Variants in SRXN1 observed in about 807,000 individuals in gnomAD.
SRXN1 encodes sulfiredoxin 1.
Under a neutral mutation model 11.0 loss-of-function variants are expected in SRXN1, and 11 were observed. The observed-to-expected ratio is 1.00, with a 90% CI of 0.63 to 1.65. The LOEUF (loss-of-function observed/expected upper bound fraction) is 1.65, where lower values mean the gene tolerates loss of function less well. Among genes scored for constraint, SRXN1 ranks in the 40% most tolerant of loss-of-function variants. The probability of loss-of-function intolerance (pLI) is 0.00; values close to 1 mark genes in which losing one functional copy is unlikely to be tolerated. For synonymous variants in SRXN1, 106 were observed against 92.8 expected (o/e 1.14, Z -0.82); for missense variants, 211 against 194.5 (o/e 1.08, Z -0.50).
In SRXN1 at chr20:646,688, C is replaced by T. The variant is rs1983542220; in HGVS notation, c.*2026G>A. ...TTACAGAGAAGTTGCAGAGATAGTACAAAGAGTTCCTGTATACCCTTCACC... is the reference window on the plus strand; with the variant it reads ...TTACAGAGAAGTTGCAGAGATAGTATAAAGAGTTCCTGTATACCCTTCACC... On this transcript the variant is annotated 3_prime_UTR_variant, in exon 2 of 2. Coordinates refer to ENST00000381962, the MANE Select transcript of SRXN1 (RefSeq NM_080725.3). 1 of 150,630 alleles carries T rather than the reference C, an allele frequency of 6.6e-6. No individual in the cohort carries two copies. The highest frequency in any genetic ancestry group is 1.5e-5 in the Non-Finnish European group (1 of 67,842). 9.3% of individuals were successfully genotyped at this position (150,630 alleles called of 1,614,324 possible).
Position 647,005 on chromosome 20 carries a change from G to A in SRXN1, c.*1709C>T, listed in dbSNP as rs145367414. Reference sequence around the variant, plus strand: ...GGAGAAACTGAGGCTTAAAAGTGCCGAGTGACCAAGTTCCCTTAGAGGGCA... The same window carrying A: ...GGAGAAACTGAGGCTTAAAAGTGCCAAGTGACCAAGTTCCCTTAGAGGGCA... On this transcript the variant is annotated 3_prime_UTR_variant, in exon 2 of 2. Transcript: ENST00000381962. 4.6e-5 allele frequency: 7 copies of A among 152,304 alleles called. No individual in the cohort carries two copies. The highest frequency in any genetic ancestry group is 2.1e-4 in the South Asian group (1 of 4,822). 9.4% of individuals were successfully genotyped at this position (152,304 alleles called of 1,614,324 possible). A position where few individuals can be genotyped will look rare whatever the true frequency, so the allele number is the denominator to read the frequency against.
Position 647,661 on chromosome 20 carries a change from C to A in SRXN1, c.*1053G>T. ...GGCAAGTGAGTAAGGCTATCCTAGACCATCCAGGCCCAGCTGAGGTAACAG... is the reference window on the plus strand; with the variant it reads ...GGCAAGTGAGTAAGGCTATCCTAGAACATCCAGGCCCAGCTGAGGTAACAG... On this transcript the variant is annotated 3_prime_UTR_variant, in exon 2 of 2. Coordinates refer to ENST00000381962, the MANE Select transcript of SRXN1 (RefSeq NM_080725.3). The A allele has an allele frequency of 3.9e-6, 1 of 256,378 alleles. No individual in the cohort carries two copies. Among genetic ancestry groups the A allele is most frequent in the Non-Finnish European group, 7.7e-6 (1 of 130,044 alleles). 15.9% of individuals were successfully genotyped at this position (256,378 alleles called of 1,614,324 possible). A position where few individuals can be genotyped will look rare whatever the true frequency, so the allele number is the denominator to read the frequency against.
In SRXN1 at chr20:647,724, G is replaced by C. The variant is rs773112411; in HGVS notation, c.*990C>G. ...CCATGAGGGATCCCAGGTGTGAGCA[G>C]CAGAACTGCCCTGTTGAGCCCAGCC... On this transcript the variant is annotated 3_prime_UTR_variant, in exon 2 of 2. Transcript: ENST00000381962. The C allele has an allele frequency of 6.3e-6, 2 of 318,124 alleles. No individual in the cohort carries two copies. Among genetic ancestry groups the C allele is most frequent in the Non-Finnish European group, 1.2e-5 (2 of 163,720 alleles). The allele number at this position is 318,124 out of a possible 1,614,324, so 19.7% of individuals were successfully genotyped here. A position where few individuals can be genotyped will look rare whatever the true frequency, so the allele number is the denominator to read the frequency against.
chr20:648,936 G>A lies in SRXN1; in HGVS notation c.211-19C>T. ...GGTCCTCCTGGGGAGAAGAGGCACA[G>A]AGTCAATGGACATGGTACAAGGCTT... is the stretch of plus-strand genomic sequence containing the variant. On this transcript the variant is annotated intron_variant, in intron 1 of 1. Coordinates refer to ENST00000381962, the MANE Select transcript of SRXN1 (RefSeq NM_080725.3). 6.2e-7 allele frequency: 1 copy of A among 1,613,338 alleles called. No individual in the cohort carries two copies. The highest frequency in any genetic ancestry group is 8.5e-7 in the Non-Finnish European group (1 of 1,179,624).
intron 1 of SRXN1, among the ~76,000 whole-genome samples, chr20:651,423 G>A (rs1026082576): frequency 3.3e-5 from 5 of 152,156 alleles, no homozygotes; most frequent in African/African-American, 1.2e-4. Flanking sequence ...AAGCCAGTGG[G>A]CTGTAATCCC....
chr20:649,164 A>C (rs1258077473), intron 1 of SRXN1, among the ~76,000 whole-genome samples: 2 of 152,200 alleles, frequency 1.3e-5, no homozygotes, highest in African/African-American at 2.4e-5. Flanking sequence ...TCTCCCACAC[A>C]TGTATCAGCA....
chr20:650,188 G>A (rs1158403808), intron 1 of SRXN1, among the ~76,000 whole-genome samples: 2 of 152,194 alleles, frequency 1.3e-5, no homozygotes, highest in Non-Finnish European at 2.9e-5. Flanking sequence ...ATGATCTGAT[G>A]CATGTTCTAG....
chr20:650,700 C>A (rs1212911256), intron 1 of SRXN1, among the ~76,000 whole-genome samples: 1 of 152,218 alleles, frequency 6.6e-6, no homozygotes, highest in Non-Finnish European at 1.5e-5. Context: ...GGGCACACAG[C>A]CCTCTGAACA....
rs1983557985 is a variant in SRXN1 at position 647,323 on chromosome 20, C to T, written c.*1391G>A. The T allele has an allele frequency of 6.6e-6, 1 of 152,194 alleles. No homozygotes were observed. The highest frequency in any genetic ancestry group is 2.4e-5 in the African/African-American group (1 of 41,438). 9.4% of individuals were successfully genotyped at this position (152,194 alleles called of 1,614,324 possible). On this transcript the variant is annotated 3_prime_UTR_variant, in exon 2 of 2. Coordinates refer to ENST00000381962, the MANE Select transcript of SRXN1 (RefSeq NM_080725.3). ...AAATACCTTTATCCAAATAAATACC[C>T]ATCCAAAATTATTTGTGATAGGTGA...
rs1983723041 is a variant in SRXN1 at position 653,131 on chromosome 20, G to A, written c.55C>T (p.Pro19Ser). 1 of 1,317,314 alleles carries A rather than the reference G, an allele frequency of 7.6e-7. No homozygotes were observed. The highest frequency in any genetic ancestry group is 9.6e-7 in the Non-Finnish European group (1 of 1,038,738). The allele number at this position is 1,317,314 out of a possible 1,614,324, so 81.6% of individuals were successfully genotyped here. ...LGRAGAGRGA[P>S]EGPGPSGGAQ... ...CCGCCGCTCGGCCCGGGCCCCTCGG[G>A]CGCCCCCCGACCCGCGCCGGCCCTG... The change falls in exon 1 of 2, where the codon CCC becomes TCC. Residue 19 changes from proline (P) to serine (S), a missense_variant. By Grantham distance (74) the Pro-to-Ser change is moderately conservative. Coordinates refer to ENST00000381962, the MANE Select transcript of SRXN1 (RefSeq NM_080725.3).
intron 1 of SRXN1, among the ~76,000 whole-genome samples, chr20:650,975 G>A (rs1043425874): frequency 2.6e-5 from 4 of 152,202 alleles, no homozygotes; most frequent in Admixed American, 6.5e-5. Context: ...CCTGAGATGC[G>A]GAAATTATCC....
At chr20:649,456 C>T (rs757898162) in intron 1 of SRXN1, among the ~76,000 whole-genome samples, 4 of 152,152 alleles carry the variant, frequency 2.6e-5, no homozygotes, top group Non-Finnish European at 5.9e-5. Context: ...AATCCCAGAA[C>T]TTTGGGAGGC....
In SRXN1 at chr20:647,719, GAGC is replaced by G. The variant is rs997240067; in HGVS notation, c.*992_*994del. 146 of 314,524 alleles carry G rather than the reference GAGC, an allele frequency of 4.6e-4. No homozygotes were observed. Among genetic ancestry groups the G allele is most frequent in the African/African-American group, 3.1e-3 (141 of 46,064 alleles). 19.5% of individuals were successfully genotyped at this position (314,524 alleles called of 1,614,324 possible). ...TAGCTCCATGAGGGATCCCAGGTGTGAGCAGCAGAACTGCCCTGTTGAGCCCAG... is the reference window on the plus strand; with the variant it reads ...TAGCTCCATGAGGGATCCCAGGTGTGAGCAGAACTGCCCTGTTGAGCCCAG... On this transcript the variant is annotated 3_prime_UTR_variant, in exon 2 of 2. Coordinates refer to ENST00000381962, the MANE Select transcript of SRXN1 (RefSeq NM_080725.3).
Position 648,070 on chromosome 20 carries a change from G to A in SRXN1, c.*644C>T, listed in dbSNP as rs112433014. The A allele has an allele frequency of 1.3e-5, 6 of 456,268 alleles. No homozygotes were observed. Among genetic ancestry groups the A allele is most frequent in the East Asian group, 6.9e-5 (1 of 14,394 alleles). The allele number at this position is 456,268 out of a possible 1,614,324, so 28.3% of individuals were successfully genotyped here. ...AGAGAGCAGGAAACAGACTTCTGAC[G>A]AGGTTTTACTTTCTGATAGAAGGTG... On this transcript the variant is annotated 3_prime_UTR_variant, in exon 2 of 2. Transcript: ENST00000381962.
Position 648,759 on chromosome 20 carries a change from TGA to T in SRXN1, c.367_368del (p.Ser123ArgfsTer103). The T allele has an allele frequency of 6.2e-7, 1 of 1,614,232 alleles. No homozygotes were observed. The highest frequency in any genetic ancestry group is 8.5e-7 in the Non-Finnish European group (1 of 1,180,044). The part of the protein sequence containing the change: ...IPAKLVQSTL[S>X]DLRVYLGAST... Reference sequence around the variant, plus strand: ...ATGCTCCCAGGTACACCCTTAGGTCTGAGAGAGTGGACTGGACAAGCTTGGCG... The same window carrying T: ...ATGCTCCCAGGTACACCCTTAGGTCTGAGAGTGGACTGGACAAGCTTGGCG... On this transcript the variant is annotated frameshift_variant, in exon 2 of 2. Transcript: ENST00000381962. LOFTEE classifies it high-confidence loss of function.
At position 653,035 on chromosome 20, in the gene SRXN1, G is replaced by T; in HGVS notation, c.151C>A (p.Arg51=). Residue 51 remains arginine (R), a synonymous_variant, in exon 1 of 2, where the codon CGG becomes AGG. Transcript: ENST00000381962. ...GGGTCCAACACGGACGGCAGCGGCC[G>T]GATGAGCACGCTCAGCGGCACGTTG... is the stretch of plus-strand genomic sequence containing the variant. The part of the protein sequence containing the change: ...VHNVPLSVLI[R]PLPSVLDPAK... 1.3e-6 allele frequency: 2 copies of T among 1,569,642 alleles called. No homozygotes were observed. Among genetic ancestry groups the T allele is most frequent in the East Asian group, 2.4e-5 (1 of 41,944 alleles).
At position 648,220 on chromosome 20, in the gene SRXN1, A is replaced by G. The variant is rs1177738080; in HGVS notation, c.*494T>C. Reference sequence around the variant, plus strand: ...GTAACGAGCACTGAGATTAAGGCAAAAGGATCCAAGACGTGACCCCTACCT... The same window carrying G: ...GTAACGAGCACTGAGATTAAGGCAAGAGGATCCAAGACGTGACCCCTACCT... On this transcript the variant is annotated 3_prime_UTR_variant, in exon 2 of 2. Transcript: ENST00000381962. 1 of 456,264 alleles carries G rather than the reference A, an allele frequency of 2.2e-6. No homozygotes were observed. The highest frequency in any genetic ancestry group is 4.4e-6 in the Non-Finnish European group (1 of 227,038). 28.3% of individuals were successfully genotyped at this position (456,264 alleles called of 1,614,324 possible). A position where few individuals can be genotyped will look rare whatever the true frequency, so the allele number is the denominator to read the frequency against.
At chr20:649,051 T>C (rs769728106) in intron 1 of SRXN1, 134 bp from the exon 2 acceptor site, 4 of 951,704 alleles carry the variant, frequency 4.2e-6, no homozygotes, top group Non-Finnish European at 4.7e-6. Context: ...CTGTTAATTA[T>C]CAGGAATTTT....
rs1307180883 is a variant in SRXN1 at position 648,241 on chromosome 20, T to C, written c.*473A>G. 19 of 456,448 alleles carry C rather than the reference T, an allele frequency of 4.2e-5. No homozygotes were observed. The highest frequency in any genetic ancestry group is 6.5e-4 in the Middle Eastern group (2 of 3,100). 28.3% of individuals were successfully genotyped at this position (456,448 alleles called of 1,614,324 possible). The stretch of plus-strand genomic sequence containing the variant: ...GCAAAAGGATCCAAGACGTGACCCC[T>C]ACCTTCGTGGAGTTGTTGAACCAAT... On this transcript the variant is annotated 3_prime_UTR_variant, in exon 2 of 2. Transcript: ENST00000381962.
Sources: allele counts gnomAD v4.1 joint callset (sites outside exome capture counted in the v4.1 genomes callset), GRCh38; gene constraint gnomAD v4.1.1; transcripts MANE v1.5; gene names NCBI Gene and HGNC (gene_info 2026-07-23, HGNC 2026-07-21).